The following BCAP29 variants were observed in gnomAD, a reference collection of about 807,000 sequenced individuals.
BCAP29 encodes B cell receptor associated protein 29, also known as B-cell receptor-associated protein 29.
Under a neutral mutation model 31.8 loss-of-function variants are expected in BCAP29, and 34 were observed. The observed-to-expected ratio is 1.07, with a 90% CI of 0.81 to 1.42. The LOEUF (loss-of-function observed/expected upper bound fraction) is 1.42, where lower values mean the gene tolerates loss of function less well. BCAP29 is among the 40% of genes most tolerant of loss of function. BCAP29 has a pLI of 0.00. For missense variants in BCAP29, 314 were observed against 269.2 expected (o/e 1.17, Z -1.16); for synonymous variants, 104 against 91.3 (o/e 1.14, Z -0.79).
At chr7:107,595,720 G>A (rs1809686082) in intron 4 of BCAP29, 147 bp from the exon 5 acceptor site, 1 of 772,032 alleles carries the variant, frequency 1.3e-6, no homozygotes, top group Non-Finnish European at 1.9e-6. Context: ...TAAGAGACTT[G>A]AATTAAAAAA....
intron 2 of BCAP29, 51 bp from the exon 3 acceptor site, chr7:107,583,831 A>G: frequency 1.1e-6 from 1 of 921,986 alleles, no homozygotes; most frequent in Non-Finnish European, 1.6e-6. Flanking sequence ...AAAGTATTTC[A>G]AAACTTTATT....
At chr7:107,585,930 G>T (rs778844379) in intron 3 of BCAP29, among the ~76,000 whole-genome samples, 2 of 152,198 alleles carry the variant, frequency 1.3e-5, no homozygotes, top group Non-Finnish European at 2.9e-5. Flanking sequence ...GGCAGAGGTT[G>T]CAGTGAGCCG....
chr7:107,592,926 G>A (rs1230863520), intron 3 of BCAP29, among the ~76,000 whole-genome samples: 2 of 152,210 alleles, frequency 1.3e-5, no homozygotes. Context: ...CAGGAGCTGA[G>A]GGATGTGTAT....
rs185285235 is a variant in BCAP29, at chr7:107,617,247, T to C, written c.691-1081T>C. Among the ~76,000 whole-genome samples the C allele has an allele frequency of 4.6e-5, 7 of 152,320 alleles. No homozygotes were observed. In the East Asian group the frequency reaches 1.4e-3, roughly 29 times the overall value. On this transcript the variant is annotated intron_variant, in intron 7 of 7. Transcript: ENST00000005259. ...TGAATTTTACACAGTTGACATATTT[T>C]CATTGGAACAATCATAAAACGAAAG...
chr7:107,607,889 C>T (rs1018451587), intron 6 of BCAP29, among the ~76,000 whole-genome samples: 3 of 152,072 alleles, frequency 2.0e-5, no homozygotes, highest in South Asian at 2.1e-4. Context: ...CCGCCTGCCT[C>T]GGCCTCCCAA....
chr7:107,584,460 G>C (rs1807264601), intron 3 of BCAP29, among the ~76,000 whole-genome samples: 1 of 152,212 alleles, frequency 6.6e-6, no homozygotes, highest in African/African-American at 2.4e-5. Flanking sequence ...TGTAATCCTA[G>C]CACTTTGGGA....
At chr7:107,599,548 C>G (rs1810770326) in intron 5 of BCAP29, among the ~76,000 whole-genome samples, 1 of 148,594 alleles carries the variant, frequency 6.7e-6, no homozygotes, top group Admixed American at 6.8e-5. Context: ...AAAAAAGTAG[C>G]TGCCTGCCTC....
chr7:107,595,302 T>C (rs1351688131), intron 4 of BCAP29, among the ~76,000 whole-genome samples: 2 of 152,244 alleles, frequency 1.3e-5, no homozygotes, highest in Non-Finnish European at 2.9e-5. Flanking sequence ...AACTAGGAGC[T>C]AAACCCCTGA....
At chr7:107,613,811 C>A in intron 7 of BCAP29, 2 of 1,039,960 alleles carry the variant, frequency 1.9e-6, no homozygotes, top group South Asian at 1.3e-5. Context: ...TCACACTACT[C>A]TTGTCTCAGT....
chr7:107,584,539 T>C (rs1451943156), intron 3 of BCAP29, among the ~76,000 whole-genome samples: 1 of 152,118 alleles, frequency 6.6e-6, no homozygotes, highest in Non-Finnish European at 1.5e-5. Flanking sequence ...CAAAACCTTA[T>C]CTTTACAAAA....
At chr7:107,590,994 G>A (rs1412510555) in intron 3 of BCAP29, among the ~76,000 whole-genome samples, 1 of 151,872 alleles carries the variant, frequency 6.6e-6, no homozygotes, top group African/African-American at 2.4e-5. Flanking sequence ...TAAACAATAG[G>A]CAAATGACAT....
At chr7:107,605,450 G>A (rs1811918262) in intron 6 of BCAP29, among the ~76,000 whole-genome samples, 2 of 152,138 alleles carry the variant, frequency 1.3e-5, no homozygotes, top group South Asian at 4.1e-4. Flanking sequence ...AAACATGAGT[G>A]GAGAGTGCTA....
chr7:107,581,516 ACC>A (rs35599049), intron 2 of BCAP29, among the ~76,000 whole-genome samples: 1 of 152,268 alleles, frequency 6.6e-6, no homozygotes, highest in Admixed American at 6.5e-5. Context: ...GGTTCATTTT[ACC>A]CTTGCAGTAA....
chr7:107,609,606 C>T (rs1044139690), intron 6 of BCAP29, among the ~76,000 whole-genome samples: 1 of 152,072 alleles, frequency 6.6e-6, no homozygotes, highest in Admixed American at 6.6e-5. Context: ...CTACACAGAC[C>T]TCACAATATA....
At chr7:107,607,209 C>T (rs997504485) in intron 6 of BCAP29, among the ~76,000 whole-genome samples, 8 of 152,192 alleles carry the variant, frequency 5.3e-5, no homozygotes, top group Admixed American at 3.3e-4. Context: ...CCCCACTACC[C>T]GGGAGGCTGA....
At chr7:107,591,422 T>C (rs1367647097) in intron 3 of BCAP29, among the ~76,000 whole-genome samples, 1 of 152,158 alleles carries the variant, frequency 6.6e-6, no homozygotes, top group Non-Finnish European at 1.5e-5. Context: ...AGAACAAAGA[T>C]TGACCTCCTC....
chr7:107,616,363 C>A (rs189373477), intron 7 of BCAP29: 2 of 152,320 alleles, frequency 1.3e-5, no homozygotes, highest in East Asian at 3.9e-4. Flanking sequence ...TATTGATAAT[C>A]CCAGAGGTGC....
Position 107,583,885 on chromosome 7 carries a change from G to T in BCAP29, c.96G>T (p.Trp32Cys). The T allele has an allele frequency of 6.5e-7, 1 of 1,541,128 alleles. No homozygotes were observed. The highest frequency in any genetic ancestry group is 1.2e-5 in the South Asian group (1 of 80,552). The change falls in exon 3 of 8, where the codon TGG becomes TGT. Residue 32 changes from tryptophan to cysteine, a missense_variant. By Grantham distance (215) the Trp-to-Cys change is radical. Transcript: ENST00000005259. ...FCLPFIPPQR[W>C]QKIFSFNVWG... ...ATATAATTGTATTGCTTTACAGATGGCAGAAGATTTTTTCATTTAATGTCT... is the reference window on the plus strand; with the variant it reads ...ATATAATTGTATTGCTTTACAGATGTCAGAAGATTTTTTCATTTAATGTCT...
At chr7:107,594,946 C>T (rs1017030405) in intron 4 of BCAP29, among the ~76,000 whole-genome samples, 131 of 152,322 alleles carry the variant, frequency 8.6e-4, no homozygotes, top group African/African-American at 3.1e-3. Flanking sequence ...TTGTCTCATA[C>T]GTGTCTCTGA....
Sources: gnomAD v4.1 joint callset for allele counts (sites outside exome capture counted in the v4.1 genomes callset) on GRCh38, gnomAD v4.1.1 for gene constraint, MANE v1.5 for transcripts, NCBI Gene and HGNC (gene_info 2026-07-23, HGNC 2026-07-21) for gene names.